The following PAH variants were observed in gnomAD, a reference collection of about 807,000 sequenced individuals.
PAH encodes the protein phenylalanine-4-hydroxylase.
PAH carries 64 observed loss-of-function variants against 62.0 expected under a neutral mutation model. The observed-to-expected ratio is 1.03, with a 90% CI of 0.84 to 1.27. The LOEUF (loss-of-function observed/expected upper bound fraction) is 1.27. PAH is among the 50% of genes most tolerant of loss of function. The probability of loss-of-function intolerance (pLI) is 0.00; values close to 1 mark genes in which losing one functional copy is unlikely to be tolerated. For missense variants in PAH, 579 were observed against 542.8 expected (o/e 1.07, Z -0.66); for synonymous variants, 195 against 196.2 (o/e 0.99, Z 0.05).
chr12:102,953,590 C>T (rs1341589829), upstream of PAH: 1 of 152,292 alleles, frequency 6.6e-6, no homozygotes, highest in East Asian at 1.9e-4. Flanking sequence ...AAAGCCATCT[C>T]CCCCTACAGA....
rs778859468 is a variant in PAH at position 102,866,666 on chromosome 12, A to G, written c.442-3T>C. 6.2e-7 allele frequency: 1 copy of G among 1,612,822 alleles called. No individual in the cohort carries two copies. The highest frequency in any genetic ancestry group is 8.5e-7 in the Non-Finnish European group (1 of 1,178,852). ...CGGTACACAGGATCTTTAAAACCCTAGGAGAAAAGAGACACCTGATTTTTC... is the reference window on the plus strand; with the variant it reads ...CGGTACACAGGATCTTTAAAACCCTGGGAGAAAAGAGACACCTGATTTTTC... On this transcript the variant is annotated splice_polypyrimidine_tract_variant and splice_region_variant and intron_variant, in intron 4 of 12. Transcript: ENST00000553106.
intron 3 of PAH, 78 bp from the exon 4 acceptor site, chr12:102,877,628 G>A: frequency 9.3e-7 from 1 of 1,076,098 alleles, no homozygotes; most frequent in Non-Finnish European, 1.4e-6. Context: ...TCAGAAGTGG[G>A]GATCCCAGCC....
intron 3 of PAH, among the ~76,000 whole-genome samples, chr12:102,892,524 T>C (rs1210465295): frequency 2.0e-5 from 3 of 152,266 alleles, no homozygotes; most frequent in East Asian, 1.9e-4. Context: ...TCATCAAAAA[T>C]TGGAAGCAAC....
At chr12:102,862,623 GCACA>G (rs1174902460) in intron 5 of PAH, among the ~76,000 whole-genome samples, 2 of 152,154 alleles carry the variant, frequency 1.3e-5, no homozygotes, top group Non-Finnish European at 2.9e-5. Context: ...GTTCGGAACA[GCACA>G]AACAGATGTA....
upstream of PAH, among the ~76,000 whole-genome samples, chr12:102,952,298 T>A (rs1879788250): frequency 1.3e-5 from 2 of 151,912 alleles, no homozygotes. Flanking sequence ...GAGAAAAAAA[T>A]GCACCATTTA....
chr12:102,858,150 A>G (rs1230262900), intron 5 of PAH, among the ~76,000 whole-genome samples: 1 of 152,204 alleles, frequency 6.6e-6, no homozygotes. Flanking sequence ...GCAAATGGAA[A>G]ATGAAAAAAG....
At chr12:102,864,459 T>A (rs1875859689) in intron 5 of PAH, among the ~76,000 whole-genome samples, 1 of 152,204 alleles carries the variant, frequency 6.6e-6, no homozygotes, top group Non-Finnish European at 1.5e-5. Flanking sequence ...TTTACTGCTT[T>A]CCTGGGAAAA....
At position 102,913,806 on chromosome 12, in the gene PAH, T is replaced by C. The variant is rs1173921057; in HGVS notation, c.61-908A>G. On this transcript the variant is annotated intron_variant, in intron 1 of 12. Transcript: ENST00000553106. ...TGTCCAGGATCTAGCACTTACTACATGCATGTGACAGAAAACCAAGGTTGG... is the reference window on the plus strand; with the variant it reads ...TGTCCAGGATCTAGCACTTACTACACGCATGTGACAGAAAACCAAGGTTGG... 1.1e-5 allele frequency: 8 copies of C among 702,092 alleles called. No homozygotes were observed. The East Asian group carries it at 1.3e-4, about 12-fold the overall frequency. 43.5% of individuals were successfully genotyped at this position (702,092 alleles called of 1,614,324 possible).
chr12:102,879,650 C>G (rs1240315255), intron 3 of PAH, among the ~76,000 whole-genome samples: 1 of 151,808 alleles, frequency 6.6e-6, no homozygotes, highest in Non-Finnish European at 1.5e-5. Context: ...GACGAGGACA[C>G]TGAGGTACAG....
chr12:102,896,921 A>C (rs1266766771), intron 2 of PAH, among the ~76,000 whole-genome samples: 1 of 152,218 alleles, frequency 6.6e-6, no homozygotes, highest in Non-Finnish European at 1.5e-5. Context: ...TCGTACCCTC[A>C]TCAGACCATT....
Position 102,924,008 on chromosome 12 carries a change from T to G in PAH, c.-95-6783A>C, listed in dbSNP as rs191486138. Among the ~76,000 whole-genome samples, 76 of 152,336 alleles carry G rather than the reference T, an allele frequency of 5.0e-4. 1 individual carries two copies. Among genetic ancestry groups the G allele is most frequent in the Admixed American group, 7.8e-4 (12 of 15,298 alleles). ...CTTTATACACGAGTTAGGCAGTTTCTACACCTGCAAAATCCAGAGGACGTA... is the reference window on the plus strand; with the variant it reads ...CTTTATACACGAGTTAGGCAGTTTCGACACCTGCAAAATCCAGAGGACGTA... On this transcript the variant is annotated intron_variant, in intron 1 of 3. Coordinates refer to the PAH transcript ENST00000546844.
chr12:102,859,608 C>CA lies in PAH; in HGVS notation c.510-4277dup, dbSNP rs528742708. On this transcript the variant is annotated intron_variant, in intron 5 of 12. Coordinates refer to ENST00000553106, the MANE Select transcript of PAH (RefSeq NM_000277.3). ...TGGCAAACCGAATCCAGCAGCACAT[C>CA]AAAAAGCTTATCCACCACGATCAAG... Among the ~76,000 whole-genome samples, 18 of 152,326 alleles carry CA rather than the reference C, an allele frequency of 1.2e-4. No individual in the cohort carries two copies. In the East Asian group the frequency reaches 3.5e-3, roughly 29 times the overall value.
intron 1 of PAH, among the ~76,000 whole-genome samples, chr12:102,943,234 A>G (rs1441953316): frequency 2.0e-5 from 3 of 152,136 alleles, no homozygotes; most frequent in Non-Finnish European, 4.4e-5. Context: ...CAAAACACAA[A>G]CAACCACATT....
At chr12:102,940,254 C>T (rs1879244676) in intron 1 of PAH, among the ~76,000 whole-genome samples, 2 of 152,202 alleles carry the variant, frequency 1.3e-5, no homozygotes, top group Non-Finnish European at 2.9e-5. Context: ...ACAACTCTGA[C>T]AATTCTAAAA....
chr12:102,952,543 TTAACG>T (rs1398543870), upstream of PAH, among the ~76,000 whole-genome samples: 2 of 152,158 alleles, frequency 1.3e-5, no homozygotes, highest in Admixed American at 6.5e-5. Flanking sequence ...GCTATATAGA[TTAACG>T]ACTTTCTTTA....
At chr12:102,945,507 C>T (rs912061892) in intron 1 of PAH, among the ~76,000 whole-genome samples, 20 of 152,146 alleles carry the variant, frequency 1.3e-4, no homozygotes, top group Admixed American at 1.3e-3. Flanking sequence ...GGCACCCAAG[C>T]CACAAGACAG....
At chr12:102,860,073 G>C (rs1465932520) in intron 5 of PAH, among the ~76,000 whole-genome samples, 1 of 152,166 alleles carries the variant, frequency 6.6e-6, no homozygotes, top group Non-Finnish European at 1.5e-5. Flanking sequence ...TGTATATTTA[G>C]AAAACCCCAT....
chr12:102,889,534 G>GACA (rs1877189150), intron 3 of PAH, among the ~76,000 whole-genome samples: 5 of 150,434 alleles, frequency 3.3e-5, no homozygotes, highest in African/African-American at 7.4e-5. Flanking sequence ...ATAGATAGAC[G>GACA]GATAGATAGA....
At chr12:102,842,690 T>C (rs952913221) in intron 11 of PAH, among the ~76,000 whole-genome samples, 3 of 152,208 alleles carry the variant, frequency 2.0e-5, no homozygotes, top group Admixed American at 6.5e-5. Context: ...TTCTCCCTTA[T>C]GTCTCTCTTT....
Sources: gnomAD v4.1 joint callset for allele counts (sites outside exome capture counted in the v4.1 genomes callset) on GRCh38, gnomAD v4.1.1 for gene constraint, MANE v1.5 for transcripts, NCBI Gene and HGNC (gene_info 2026-07-23, HGNC 2026-07-21) for gene names.